Variants in GRAMD1C observed in about 807,000 individuals in gnomAD.
GRAMD1C encodes the protein GRAM domain containing 1C.
In GRAMD1C, 89 loss-of-function variants were observed where a neutral mutation model predicts 97.8. The observed-to-expected ratio is 0.91, with a 90% CI of 0.77 to 1.09. The LOEUF is 1.09. Among genes scored for constraint, GRAMD1C ranks in the 50% least tolerant of loss-of-function variants. The pLI, the probability that GRAMD1C is intolerant of heterozygous loss-of-function variation, is 0.00. For synonymous variants in GRAMD1C, 256 were observed against 267.0 expected (o/e 0.96, Z 0.40); for missense variants, 740 against 766.4 (o/e 0.97, Z 0.41).
intron 6 of GRAMD1C, among the ~76,000 whole-genome samples, chr3:113,885,083 C>T (rs1227826201): frequency 7.2e-5 from 11 of 151,836 alleles, no homozygotes; most frequent in African/African-American, 2.7e-4. Flanking sequence ...TGGGCCCCCG[C>T]GGGCTGCCCA....
chr3:113,920,019 T>G (rs1166598562), intron 10 of GRAMD1C: 7 of 774,788 alleles, frequency 9.0e-6, no homozygotes, highest in South Asian at 8.7e-5. Flanking sequence ...AACCAAAAAG[T>G]TTCAGTAAGG....
At chr3:113,929,764 C>A (rs1348440726) in intron 10 of GRAMD1C, among the ~76,000 whole-genome samples, 4 of 152,046 alleles carry the variant, frequency 2.6e-5, no homozygotes, top group African/African-American at 4.8e-5. Context: ...ATTTCAGGAT[C>A]CCTCATTAAA....
rs1395014897 is a variant in GRAMD1C, at chr3:113,876,151, T to C, written c.364-14T>C. The C allele has an allele frequency of 7.5e-7, 1 of 1,328,380 alleles. No homozygotes were observed. Among genetic ancestry groups the C allele is most frequent in the Admixed American group, 1.8e-5 (1 of 54,240 alleles). 82.3% of individuals were successfully genotyped at this position (1,328,380 alleles called of 1,614,324 possible). ...TTCTGAAAAATACATTAAAAAAATT[T>C]TTTGTGTGTTTAGATTTCTATTGCT... On this transcript the variant is annotated splice_polypyrimidine_tract_variant and intron_variant, in intron 4 of 17. Transcript: ENST00000358160.
At chr3:113,907,921 G>A (rs1213634369) in intron 8 of GRAMD1C, among the ~76,000 whole-genome samples, 3 of 152,344 alleles carry the variant, frequency 2.0e-5, no homozygotes, top group Admixed American at 2.0e-4. Context: ...TAGGCACGTT[G>A]CTTTATAGTG....
chr3:113,849,821 CG>C (rs1318419413), intron 2 of GRAMD1C, among the ~76,000 whole-genome samples: 73 of 152,210 alleles, frequency 4.8e-4, no homozygotes, highest in East Asian at 3.3e-3. Flanking sequence ...ACCTCCCAGA[CG>C]GGGTGGTGGC....
At chr3:113,899,750 T>G (rs997274436) in intron 6 of GRAMD1C, among the ~76,000 whole-genome samples, 4 of 152,208 alleles carry the variant, frequency 2.6e-5, no homozygotes, top group Admixed American at 6.5e-5. Context: ...TCCTAAATCA[T>G]AATAATACTG....
At position 113,940,272 on chromosome 3, in the gene GRAMD1C, C is replaced by T; in HGVS notation, c.1835C>T (p.Thr612Ile). The change falls in exon 17 of 18, where the codon ACT (threonine) becomes ATT (isoleucine). Residue 612 changes from threonine to isoleucine, a missense_variant. By Grantham distance (89) the Thr-to-Ile change is moderately conservative. Transcript: ENST00000358160. ...LASDMVSRAE[T>I]IQKNKDQAHR... is the part of the protein sequence containing the mutation. ...TCTGATATGGTGTCAAGAGCAGAAA[C>T]TATTCAGAAGAATAAAGATCAGGCC... The T allele has an allele frequency of 2.5e-6, 4 of 1,609,100 alleles. No homozygotes were observed. The highest frequency in any genetic ancestry group is 3.4e-6 in the Non-Finnish European group (4 of 1,175,392).
At chr3:113,920,191 T>C (rs1007450433) in intron 10 of GRAMD1C, 7 of 1,341,140 alleles carry the variant, frequency 5.2e-6, no homozygotes, top group African/African-American at 4.4e-5. Flanking sequence ...CTCAACAGCC[T>C]GAAATGTGAA....
chr3:113,880,841 A>G (rs548297096), intron 5 of GRAMD1C, among the ~76,000 whole-genome samples: 4 of 152,340 alleles, frequency 2.6e-5, no homozygotes, highest in African/African-American at 4.8e-5. Flanking sequence ...AATTCACAGT[A>G]CTAACAACAG....
chr3:113,940,433 AC>A (rs1174427857), intron 17 of GRAMD1C, 88 bp downstream of exon 17: 18 of 753,432 alleles, frequency 2.4e-5, no homozygotes, highest in Non-Finnish European at 3.6e-5. Flanking sequence ...TATTTACCCT[AC>A]TATCGTTTGA....
chr3:113,862,685 G>T lies in GRAMD1C; in HGVS notation c.175-6822G>T, dbSNP rs1451629548. On this transcript the variant is annotated intron_variant, in intron 2 of 17. Transcript: ENST00000358160. ...AAGACAGGCATAGGAAATCACAAGG[G>T]TATTGACTGGGGAAGTGATAAGTAT... Among the ~76,000 whole-genome samples, 3 of 152,296 alleles carry T rather than the reference G, an allele frequency of 2.0e-5. No homozygotes were observed. In the South Asian group the frequency reaches 6.2e-4, roughly 32 times the overall value.
intron 14 of GRAMD1C, among the ~76,000 whole-genome samples, chr3:113,937,505 CTTGT>C (rs1462476892): frequency 6.6e-6 from 1 of 151,944 alleles, no homozygotes; most frequent in Non-Finnish European, 1.5e-5. Context: ...TATTGAATTG[CTTGT>C]TTAATTTTAG....
chr3:113,837,900 C>T (rs767263654), upstream of GRAMD1C, among the ~76,000 whole-genome samples: 4 of 152,076 alleles, frequency 2.6e-5, no homozygotes, highest in Non-Finnish European at 4.4e-5. Flanking sequence ...AGAGCCAGAA[C>T]CTGTCTCAAA....
intron 1 of GRAMD1C, among the ~76,000 whole-genome samples, chr3:113,830,889 A>T (rs953387230): frequency 2.6e-5 from 4 of 152,180 alleles, no homozygotes; most frequent in Non-Finnish European, 5.9e-5. Flanking sequence ...ACCTGAGGTT[A>T]GGAATTCGAG....
upstream of GRAMD1C, among the ~76,000 whole-genome samples, chr3:113,834,264 C>T (rs1709602136): frequency 6.6e-6 from 1 of 152,186 alleles, no homozygotes; most frequent in Admixed American, 6.6e-5. Context: ...ACTGCAACTT[C>T]CGCCTCCTGG....
rs548221285 is a variant in GRAMD1C, at chr3:113,887,071, C to T, written c.540+4239C>T. On this transcript the variant is annotated intron_variant, in intron 6 of 17. Transcript: ENST00000358160. ...CTGGGATTACAGGCATGAGCCACTG[C>T]GCCTGGCCTTTTTGTTTTTTTTTTG... 1.9e-4 allele frequency among the ~76,000 whole-genome samples: 27 copies of T among 141,264 alleles called. No homozygotes were observed. In the South Asian group the frequency reaches 5.0e-3, roughly 26 times the overall value. 92.7% of individuals were successfully genotyped at this position (141,264 alleles called of 152,430 possible).
chr3:113,879,414 T>C (rs1935178030), intron 5 of GRAMD1C, among the ~76,000 whole-genome samples: 2 of 152,090 alleles, frequency 1.3e-5, no homozygotes, highest in African/African-American at 2.4e-5. Context: ...TCATGAGCTC[T>C]GTAACACTAC....
intron 10 of GRAMD1C, among the ~76,000 whole-genome samples, chr3:113,921,400 T>G (rs1303152330): frequency 6.6e-6 from 1 of 152,256 alleles, no homozygotes; most frequent in Admixed American, 6.5e-5. Context: ...TTTACTATTG[T>G]GAATAGTGCT....
intron 10 of GRAMD1C, 25 bp from the exon 11 acceptor site, chr3:113,930,689 C>T (rs755598937): frequency 2.6e-6 from 3 of 1,156,132 alleles, no homozygotes; most frequent in Non-Finnish European, 3.9e-6. Flanking sequence ...CTAGAACTAA[C>T]TCATTTTGTG....
Sources: allele counts gnomAD v4.1 joint callset (sites outside exome capture counted in the v4.1 genomes callset), GRCh38; gene constraint gnomAD v4.1.1; transcripts MANE v1.5; gene names NCBI Gene and HGNC (gene_info 2026-07-23, HGNC 2026-07-21).